The following LPA variants were observed in gnomAD, a reference collection of about 807,000 sequenced individuals.
The protein encoded by LPA is lipoprotein(a).
In LPA, 199 loss-of-function variants were observed where a neutral mutation model predicts 197.9. The observed-to-expected ratio is 1.01, with a 90% CI of 0.90 to 1.13. The LOEUF is 1.13. LPA is among the 50% of genes most tolerant of loss of function. LPA has a pLI of 0.00. For synonymous variants in LPA, 715 were observed against 639.5 expected (o/e 1.12, Z -1.78); for missense variants, 1,853 against 1,785.8 (o/e 1.04, Z -0.68).
At chr6:160,591,788 G>A (rs1471744905) in intron 22 of LPA, among the ~76,000 whole-genome samples, 13 of 151,104 alleles carry the variant, frequency 8.6e-5, no homozygotes, top group Admixed American at 8.6e-4. Context: ...TTACTCCTTT[G>A]TTGGTCTATT....
At chr6:160,576,389 TGTATATATATATATATATATATATATGG>T (rs1562327980) in intron 28 of LPA, among the ~76,000 whole-genome samples, 9,542 of 70,082 alleles carry the variant, frequency 0.14, 541 homozygotes, top group Non-Finnish European at 0.16. Context: ...TATATATATA[TGTATATATATATATATATATATATATGG>T]GTATATATAT....
chr6:160,581,261 T>G (rs755074152), intron 26 of LPA, among the ~76,000 whole-genome samples: 1 of 152,168 alleles, frequency 6.6e-6, no homozygotes, highest in Non-Finnish European at 1.5e-5. Context: ...TTTCTGTTTT[T>G]GTTTGCATAT....
chr6:160,598,582 G>A (rs183160182), intron 20 of LPA, among the ~76,000 whole-genome samples: 21 of 152,250 alleles, frequency 1.4e-4, no homozygotes, highest in Non-Finnish European at 2.5e-4. Context: ...GTCACTTATG[G>A]CCGAAAGACT....
At chr6:160,574,924 C>T (rs7454595) in intron 28 of LPA, among the ~76,000 whole-genome samples, 91,277 of 151,984 alleles carry the variant, frequency 0.6, 28,313 homozygotes, top group East Asian at 0.89. Flanking sequence ...CTGTCTGCCA[C>T]GATCCCTCAC....
intron 21 of LPA, 142 bp downstream of exon 21, chr6:160,595,212 G>T: frequency 2.0e-6 from 2 of 1,023,226 alleles, no homozygotes; most frequent in Admixed American, 1.8e-5. Context: ...AAGGCGCTGA[G>T]TGTTCCTTCC....
chr6:160,547,791 T>G lies in LPA; in HGVS notation c.5302A>C (p.Asn1768His). 1.2e-6 allele frequency: 2 copies of G among 1,613,982 alleles called. No individual in the cohort carries two copies. The highest frequency in any genetic ancestry group is 4.5e-5 in the East Asian group (2 of 44,860). ...GAGTCCAAATCAAAGTGGCTTACATTTTTTTCCAGACCTGCCCATTTATTT... is the reference window on the plus strand; with the variant it reads ...GAGTCCAAATCAAAGTGGCTTACATGTTTTTCCAGACCTGCCCATTTATTT... ...GTNKWAGLEK[N>H]YCRNPDGDIN... Residue 1768 changes from asparagine to histidine, a missense_variant and splice_region_variant, in exon 32 of 39, where the codon AAT (asparagine) becomes CAT (histidine). By Grantham distance (68) the Asn-to-His change is moderately conservative (BLOSUM62 1). Coordinates refer to ENST00000316300, the MANE Select transcript of LPA (RefSeq NM_005577.4).
chr6:160,586,834 A>G (rs753592233), intron 24 of LPA, among the ~76,000 whole-genome samples: 12 of 152,256 alleles, frequency 7.9e-5, no homozygotes, highest in Non-Finnish European at 1.5e-4. Flanking sequence ...ATTGTAACAC[A>G]TTCAAAGTAA....
intron 36 of LPA, 31 bp downstream of exon 36, chr6:160,540,012 C>A (rs377207213): frequency 6.2e-7 from 1 of 1,613,944 alleles, no homozygotes; most frequent in East Asian, 2.2e-5. Flanking sequence ...TCTTCACCAG[C>A]GTGGGGTGAA....
chr6:160,554,787 C>G (rs1384279627), intron 30 of LPA, among the ~76,000 whole-genome samples: 2 of 151,880 alleles, frequency 1.3e-5, no homozygotes, highest in Admixed American at 1.3e-4. Flanking sequence ...ACCACAAATT[C>G]TTTCTCATTA....
chr6:160,587,735 T>C lies in LPA; in HGVS notation c.3948-1105A>G, dbSNP rs548423565. ...CTAGATGCCCTTGAGGCTCTGTTGA[T>C]TAATAGGTTCAGTCTTTGTGTGTGT... is the stretch of plus-strand genomic sequence containing the variant. On this transcript the variant is annotated intron_variant, in intron 24 of 38. Coordinates refer to ENST00000316300, the MANE Select transcript of LPA (RefSeq NM_005577.4). Among the ~76,000 whole-genome samples, 15 of 150,856 alleles carry C rather than the reference T, an allele frequency of 9.9e-5. No individual in the cohort carries two copies. The South Asian group carries it at 3.0e-3, about 30-fold the overall frequency.
At chr6:160,643,142 T>C (rs1233826980) in intron 4 of LPA, among the ~76,000 whole-genome samples, 1 of 149,602 alleles carries the variant, frequency 6.7e-6, no homozygotes, top group African/African-American at 2.4e-5. Context: ...TCTCTAGAAT[T>C]GTGTGTTGGG....
chr6:160,606,449 T>C, intron 17 of LPA, 28 bp downstream of exon 17: 1 of 1,611,668 alleles, frequency 6.2e-7, no homozygotes, highest in Non-Finnish European at 8.5e-7. Flanking sequence ...CATCGAAACG[T>C]GTAGGTTTCT....
At chr6:160,559,562 A>T (rs1778327612) in intron 28 of LPA, among the ~76,000 whole-genome samples, 1 of 152,222 alleles carries the variant, frequency 6.6e-6, no homozygotes, top group South Asian at 2.1e-4. Flanking sequence ...AGATAGAGGC[A>T]TATTGATGGA....
chr6:160,553,243 T>TATATTG (rs746285990), intron 30 of LPA, among the ~76,000 whole-genome samples: 9 of 152,192 alleles, frequency 5.9e-5, no homozygotes, highest in Non-Finnish European at 8.8e-5. Flanking sequence ...AAGAGTATTT[T>TATATTG]ATATTGACAT....
chr6:160,650,918 G>T (rs1250870504), intron 1 of LPA, among the ~76,000 whole-genome samples: 1 of 152,168 alleles, frequency 6.6e-6, no homozygotes, highest in Non-Finnish European at 1.5e-5. Context: ...CCACTGCTCA[G>T]AAAAGCCAAA....
chr6:160,598,866 G>A (rs1232208154), intron 20 of LPA, among the ~76,000 whole-genome samples: 1 of 152,178 alleles, frequency 6.6e-6, no homozygotes, highest in Non-Finnish European at 1.5e-5. Flanking sequence ...TCACTTCAGG[G>A]ACTAGAGCTT....
intron 20 of LPA, among the ~76,000 whole-genome samples, chr6:160,596,432 CT>C (rs1261005890): frequency 6.8e-6 from 1 of 147,826 alleles, no homozygotes; most frequent in Non-Finnish European, 1.5e-5. Context: ...AAGCTGTGGT[CT>C]TAGATCAACA....
At chr6:160,577,954 G>C (rs139565983) in intron 27 of LPA, among the ~76,000 whole-genome samples, 12 of 152,252 alleles carry the variant, frequency 7.9e-5, no homozygotes, top group African/African-American at 2.9e-4. Flanking sequence ...AGAACACCTA[G>C]AAATTTCTAA....
At chr6:160,610,134 T>G (rs1406666269) in intron 16 of LPA, among the ~76,000 whole-genome samples, 1 of 152,158 alleles carries the variant, frequency 6.6e-6, no homozygotes, top group Non-Finnish European at 1.5e-5. Context: ...ATTGCCTGAT[T>G]TATTTTCTGG....
Sources: gnomAD v4.1 joint callset for allele counts (sites outside exome capture counted in the v4.1 genomes callset) on GRCh38, gnomAD v4.1.1 for gene constraint, MANE v1.5 for transcripts, NCBI Gene and HGNC (gene_info 2026-07-23, HGNC 2026-07-21) for gene names.